FABP12: variants seen among roughly 807,000 people sequenced by gnomAD.
The protein encoded by FABP12 is fatty acid-binding protein 12.
FABP12 carries 19 observed loss-of-function variants against 13.7 expected under a neutral mutation model. The ratio of observed to expected loss-of-function variants is 1.39; its 90% confidence interval spans 0.97 to 2.04. The LOEUF (loss-of-function observed/expected upper bound fraction) is 2.04. FABP12 is among the 30% of genes most tolerant of loss of function. FABP12 has a pLI of 0.00. For synonymous variants in FABP12, 61 were observed against 57.0 expected (o/e 1.07, Z -0.32); for missense variants, 182 against 164.2 (o/e 1.11, Z -0.59).
At position 81,529,403 on chromosome 8, in the gene FABP12, TTGAAA is replaced by T. The variant is rs757888976; in HGVS notation, c.246+30_246+34del. ...AGGATGATATCTGACTAACATTCTT[TTGAAA>T]TGTGTCTGAAAGACTGTCGTAGGCC... On this transcript the variant is annotated intron_variant, in intron 3 of 4. Transcript: ENST00000360464. 9.3e-6 allele frequency: 15 copies of T among 1,605,772 alleles called. No homozygotes were observed. In the South Asian group the frequency reaches 1.6e-4, roughly 18 times the overall value.
intron 1 of FABP12, among the ~76,000 whole-genome samples, chr8:81,560,481 T>C (rs1010983814): frequency 1.2e-4 from 19 of 152,332 alleles, no homozygotes; most frequent in African/African-American, 4.6e-4. Context: ...CCTTGTTTTA[T>C]TGGCCTCAAA....
intron 1 of FABP12, among the ~76,000 whole-genome samples, chr8:81,557,397 TTAAC>T (rs1489613128): frequency 2.6e-5 from 4 of 152,222 alleles, no homozygotes; most frequent in Non-Finnish European, 5.9e-5. Context: ...CAGGTAGAAG[TTAAC>T]TAACTCCTGA....
intron 1 of FABP12, among the ~76,000 whole-genome samples, chr8:81,540,723 T>C (rs1265084825): frequency 6.6e-6 from 1 of 152,204 alleles, no homozygotes; most frequent in Non-Finnish European, 1.5e-5. Flanking sequence ...GTCTATAGTT[T>C]AGTTGCTAGT....
intron 1 of FABP12, among the ~76,000 whole-genome samples, chr8:81,580,657 A>G (rs540898461): frequency 4.9e-4 from 74 of 152,298 alleles, no homozygotes; most frequent in African/African-American, 1.7e-3. Flanking sequence ...CAGAATCCAG[A>G]TGTTGGCCAC....
At chr8:81,581,061 GT>G (rs1442429556) in intron 1 of FABP12, among the ~76,000 whole-genome samples, 3 of 152,166 alleles carry the variant, frequency 2.0e-5, no homozygotes, top group Non-Finnish European at 4.4e-5. Context: ...CCTGGAGCAA[GT>G]CTCCAAGACA....
intron 1 of FABP12, among the ~76,000 whole-genome samples, 149 bp downstream of exon 1, chr8:81,533,653 C>G (rs372455833): frequency 3.9e-5 from 6 of 152,212 alleles, no homozygotes; most frequent in Non-Finnish European, 8.8e-5. Flanking sequence ...CCTGTGCTGA[C>G]TGGTACATTA....
intron 1 of FABP12, among the ~76,000 whole-genome samples, chr8:81,584,162 T>A (rs550318834): frequency 1.3e-5 from 2 of 152,094 alleles, no homozygotes; most frequent in African/African-American, 4.8e-5. Flanking sequence ...CACCAGCAAG[T>A]TGGGTGAGTA....
intron 1 of FABP12, among the ~76,000 whole-genome samples, chr8:81,577,708 C>T (rs918245468): frequency 3.3e-5 from 5 of 152,096 alleles, no homozygotes; most frequent in African/African-American, 1.2e-4. Context: ...TTGCAGTGAG[C>T]CGAGATTCCG....
At chr8:81,528,951 T>C (rs1808983728) in intron 3 of FABP12, among the ~76,000 whole-genome samples, 1 of 152,004 alleles carries the variant, frequency 6.6e-6, no homozygotes, top group African/African-American at 2.4e-5. Flanking sequence ...ACACACAAAC[T>C]TCCCCAATGC....
At chr8:81,582,652 G>T (rs1486850343) in intron 1 of FABP12, among the ~76,000 whole-genome samples, 1 of 152,026 alleles carries the variant, frequency 6.6e-6, no homozygotes, top group Non-Finnish European at 1.5e-5. Context: ...TCAGCAAGAG[G>T]TTATGACAAT....
At chr8:81,587,793 G>A (rs1206967354) in intron 1 of FABP12, among the ~76,000 whole-genome samples, 2 of 151,986 alleles carry the variant, frequency 1.3e-5, no homozygotes, top group Non-Finnish European at 2.9e-5. Context: ...ATAAATAAAC[G>A]GGAGTTTATT....
chr8:81,569,404 G>T (rs949240865), intron 1 of FABP12, among the ~76,000 whole-genome samples: 3 of 152,130 alleles, frequency 2.0e-5, no homozygotes, highest in African/African-American at 7.2e-5. Context: ...AGTTCAAATG[G>T]AAACATACAG....
intron 3 of FABP12, 103 bp from the exon 4 acceptor site, chr8:81,527,224 A>G (rs1808926133): frequency 1.6e-6 from 1 of 625,488 alleles, no homozygotes; most frequent in African/African-American, 1.8e-5. Context: ...ACTCTCAGGT[A>G]GTTTTAGAAT....
intron 1 of FABP12, among the ~76,000 whole-genome samples, chr8:81,546,213 CCAAT>C (rs773892482): frequency 2.6e-5 from 4 of 152,212 alleles, no homozygotes; most frequent in Admixed American, 6.5e-5. Flanking sequence ...CTGTTTCTTG[CCAAT>C]CAATTTCAGA....
chr8:81,583,411 AT>A (rs1180447505), intron 1 of FABP12, among the ~76,000 whole-genome samples: 2 of 152,154 alleles, frequency 1.3e-5, no homozygotes, highest in Non-Finnish European at 1.5e-5. Flanking sequence ...AAGTTTGTTC[AT>A]TTAAAAAGAT....
chr8:81,544,970 G>T (rs1809411718), intron 1 of FABP12, among the ~76,000 whole-genome samples: 1 of 152,182 alleles, frequency 6.6e-6, no homozygotes, highest in African/African-American at 2.4e-5. Flanking sequence ...TATGGCCAAT[G>T]GCGTAGAGGC....
chr8:81,564,513 T>A (rs547697614), intron 1 of FABP12, among the ~76,000 whole-genome samples: 153 of 151,950 alleles, frequency 1.0e-3, no homozygotes, highest in African/African-American at 3.6e-3. Flanking sequence ...AAGATACAAA[T>A]AAAAACAACA....
chr8:81,526,335 A>G (rs1808898068), intron 4 of FABP12: 1 of 152,162 alleles, frequency 6.6e-6, no homozygotes, highest in Non-Finnish European at 1.5e-5. Context: ...GAAGTGGGGA[A>G]GGTGACCTGG....
At chr8:81,563,828 C>T (rs973766589) in intron 1 of FABP12, among the ~76,000 whole-genome samples, 13 of 151,922 alleles carry the variant, frequency 8.6e-5, no homozygotes, top group African/African-American at 2.9e-4. Flanking sequence ...GAGTTATTGG[C>T]CTTAAAGAGT....
Sources: allele counts gnomAD v4.1 joint callset (sites outside exome capture counted in the v4.1 genomes callset), GRCh38; gene constraint gnomAD v4.1.1; transcripts MANE v1.5; gene names NCBI Gene and HGNC (gene_info 2026-07-23, HGNC 2026-07-21).